Variants in HPSE2 observed in about 807,000 individuals in gnomAD.
HPSE2 encodes the protein inactive heparanase-2.
In HPSE2, 38 loss-of-function variants were observed where a neutral mutation model predicts 60.5. The observed-to-expected ratio is 0.63, with a 90% confidence interval of 0.48 to 0.82. The LOEUF is 0.82. Ranked by LOEUF, HPSE2 falls within the 40% of genes least tolerant of loss-of-function variation. HPSE2 has a pLI of 0.00. For synonymous variants in HPSE2, 295 were observed against 293.2 expected (o/e 1.01, Z -0.06); for missense variants, 713 against 740.4 (o/e 0.96, Z 0.43).
chr10:99,314,695 ATAGTAT>A, the HPSE2 span, among the ~76,000 whole-genome samples: 1 of 152,206 alleles, frequency 6.6e-6, no homozygotes, highest in Non-Finnish European at 1.5e-5. Context: ...TGCACTTATA[ATAGTAT>A]TAGTCAATGT....
At chr10:99,074,057 T>C (rs528486576) in intron 3 of HPSE2, among the ~76,000 whole-genome samples, 2 of 152,070 alleles carry the variant, frequency 1.3e-5, no homozygotes, top group African/African-American at 2.4e-5. Context: ...TTTCTTTTTC[T>C]TGCCTATTTG....
intron 9 of HPSE2, among the ~76,000 whole-genome samples, chr10:98,545,673 T>G (rs1383760867): frequency 1.3e-5 from 2 of 152,132 alleles, no homozygotes; most frequent in Non-Finnish European, 2.9e-5. Context: ...AAGAGCTATC[T>G]ATGACAAACC....
intron 3 of HPSE2, among the ~76,000 whole-genome samples, chr10:99,106,618 A>AAATAAT (rs138669245): frequency 2.9e-4 from 44 of 151,360 alleles, no homozygotes; most frequent in Non-Finnish European, 5.7e-4. Flanking sequence ...TTGTATCTAA[A>AAATAAT]AATAATAATA....
intron 9 of HPSE2, among the ~76,000 whole-genome samples, chr10:98,556,581 C>CA (rs1944014823): frequency 6.6e-6 from 1 of 152,158 alleles, no homozygotes; most frequent in African/African-American, 2.4e-5. Context: ...TCAAAAACAT[C>CA]AAACACCTAG....
the HPSE2 span, among the ~76,000 whole-genome samples, chr10:99,285,476 A>AAGGGAGGGAGGGAGGG: frequency 6.2e-5 from 6 of 97,112 alleles, no homozygotes; most frequent in South Asian, 3.7e-4. Flanking sequence ...GGAAGGAAGG[A>AAGGGAGGGAGGGAGGG]AGGGAGGGAG....
At chr10:99,028,900 A>G (rs1244496432) in intron 3 of HPSE2, among the ~76,000 whole-genome samples, 2 of 152,204 alleles carry the variant, frequency 1.3e-5, no homozygotes, top group Non-Finnish European at 2.9e-5. Flanking sequence ...CGGTCTCTTC[A>G]ATAAATGGTG....
intron 3 of HPSE2, among the ~76,000 whole-genome samples, chr10:98,915,850 A>G (rs900200494): frequency 2.0e-5 from 3 of 152,244 alleles, no homozygotes; most frequent in African/African-American, 7.2e-5. Flanking sequence ...ATGAGATACA[A>G]TAGAAGCTGG....
At chr10:98,891,595 A>C (rs1953337930) in intron 3 of HPSE2, among the ~76,000 whole-genome samples, 1 of 151,650 alleles carries the variant, frequency 6.6e-6, no homozygotes, top group African/African-American at 2.4e-5. Flanking sequence ...ACTATTAGGC[A>C]TGTACCACCA....
chr10:99,001,379 G>C (rs1956773900), intron 3 of HPSE2, among the ~76,000 whole-genome samples: 1 of 152,028 alleles, frequency 6.6e-6, no homozygotes, highest in Admixed American at 6.6e-5. Context: ...AAATAAGCTT[G>C]ATGGACATGT....
chr10:99,288,967 A>G, the HPSE2 span, among the ~76,000 whole-genome samples: 1 of 152,166 alleles, frequency 6.6e-6, no homozygotes, highest in East Asian at 1.9e-4. Context: ...AGTATTAGTA[A>G]TCATTAAAAT....
At chr10:98,692,726 G>A (rs893177996) in intron 6 of HPSE2, among the ~76,000 whole-genome samples, 21 of 152,010 alleles carry the variant, frequency 1.4e-4, no homozygotes, top group African/African-American at 4.8e-4. Context: ...CCGAGATCGC[G>A]CCACTGCACT....
chr10:99,110,564 T>C (rs866881839), intron 3 of HPSE2, among the ~76,000 whole-genome samples: 20 of 152,286 alleles, frequency 1.3e-4, no homozygotes, highest in African/African-American at 3.6e-4. Context: ...TGGGAAAATA[T>C]GTTCAGAGTA....
chr10:99,192,971 A>G (rs1401810646), intron 2 of HPSE2, among the ~76,000 whole-genome samples: 3 of 152,166 alleles, frequency 2.0e-5, no homozygotes, highest in African/African-American at 7.2e-5. Flanking sequence ...TGGTAATAGT[A>G]AGTGTGCAGA....
chr10:99,188,020 A>G (rs927982146), intron 2 of HPSE2, among the ~76,000 whole-genome samples: 1 of 152,360 alleles, frequency 6.6e-6, no homozygotes, highest in African/African-American at 2.4e-5. Flanking sequence ...CAAATTGTAT[A>G]GTAAGCAAAT....
intron 3 of HPSE2, among the ~76,000 whole-genome samples, chr10:99,119,860 CA>C (rs936163749): frequency 5.8e-4 from 85 of 147,410 alleles, no homozygotes; most frequent in African/African-American, 1.8e-3. Flanking sequence ...ACTTCCTATT[CA>C]AAAAATGGTG....
chr10:99,184,843 G>C (rs1406125497), intron 2 of HPSE2, among the ~76,000 whole-genome samples: 2 of 103,228 alleles, frequency 1.9e-5, no homozygotes, highest in Non-Finnish European at 4.5e-5. Context: ...GAGAGAGAGA[G>C]AGAGAGAGAG....
chr10:99,074,342 TG>T (rs1477312583), intron 3 of HPSE2, among the ~76,000 whole-genome samples: 2 of 152,194 alleles, frequency 1.3e-5, no homozygotes, highest in Admixed American at 1.3e-4. Flanking sequence ...ATTCTGTTTA[TG>T]GGGTATATTG....
chr10:99,168,927 G>A (rs1402527300), intron 2 of HPSE2, among the ~76,000 whole-genome samples: 27 of 152,194 alleles, frequency 1.8e-4, no homozygotes, highest in Admixed American at 1.7e-3. Flanking sequence ...GGGCATGGTG[G>A]CTTGCGCCTG....
intron 3 of HPSE2, among the ~76,000 whole-genome samples, chr10:98,800,707 A>T (rs191321461): frequency 2.1e-4 from 32 of 152,190 alleles, no homozygotes; most frequent in Non-Finnish European, 4.0e-4. Context: ...GAAAAATAAC[A>T]AGTAATGAAA....
Sources: gnomAD v4.1 joint callset for allele counts (sites outside exome capture counted in the v4.1 genomes callset) on GRCh38, gnomAD v4.1.1 for gene constraint, MANE v1.5 for transcripts, NCBI Gene and HGNC (gene_info 2026-07-23, HGNC 2026-07-21) for gene names.